Variants in ADGRL3 observed in about 807,000 individuals in gnomAD.
The protein encoded by ADGRL3 is calcium-independent alpha-latrotoxin receptor 3.
Under a neutral mutation model 153.5 loss-of-function variants are expected in ADGRL3, and 62 were observed. The ratio of observed to expected loss-of-function variants is 0.40; its 90% CI spans 0.33 to 0.50. The LOEUF (loss-of-function observed/expected upper bound fraction) is 0.50. ADGRL3 is among the 20% of genes least tolerant of loss of function. The pLI, the probability that ADGRL3 is intolerant of heterozygous loss-of-function variation, is 0.47. For synonymous variants in ADGRL3, 710 were observed against 672.5 expected (o/e 1.06, Z -0.86); for missense variants, 1,641 against 1,859.4 (o/e 0.88, Z 2.16).
chr4:61,767,629 G>A (rs1258111950), intron 8 of ADGRL3, among the ~76,000 whole-genome samples: 2 of 152,124 alleles, frequency 1.3e-5, no homozygotes, highest in Non-Finnish European at 2.9e-5. Context: ...CTCTGGGAGT[G>A]GCTGCCAGGT....
At chr4:61,663,035 A>G (rs1450166944) in intron 5 of ADGRL3, among the ~76,000 whole-genome samples, 5 of 152,176 alleles carry the variant, frequency 3.3e-5, no homozygotes, top group Non-Finnish European at 5.9e-5. Flanking sequence ...CTGTCACTCA[A>G]TAAAGCATCT....
intron 8 of ADGRL3, among the ~76,000 whole-genome samples, chr4:61,798,732 C>T (rs568175467): frequency 6.6e-6 from 1 of 151,494 alleles, no homozygotes; most frequent in African/African-American, 2.4e-5. Context: ...ATTCTCCTGC[C>T]TTAGCCTCCC....
Position 61,946,953 on chromosome 4 carries a change from G to C in ADGRL3, c.2459G>C (p.Gly820Ala), listed in dbSNP as rs2098927649. Residue 820 changes from glycine to alanine, a missense_variant, in exon 16 of 27, where the codon GGT (glycine) becomes GCT (alanine). Physicochemically the swap from Gly to Ala is moderately conservative, Grantham distance 60. Transcript: ENST00000683033. Reference protein sequence around the residue: ...RVAFVLYNNLGPYLSTENASM... With the variant: ...RVAFVLYNNLAPYLSTENASM... ...GCCTTTGTCCTGTATAACAACTTGG[G>C]TCCTTATTTATCCACGGAGAATGCC... is the stretch of plus-strand genomic sequence containing the variant. The C allele has an allele frequency of 6.2e-7, 1 of 1,613,644 alleles. No individual in the cohort carries two copies. The highest frequency in any genetic ancestry group is 8.5e-7 in the Non-Finnish European group (1 of 1,179,808).
At chr4:61,960,295 G>C (rs1301625489) in intron 17 of ADGRL3, among the ~76,000 whole-genome samples, 1 of 152,180 alleles carries the variant, frequency 6.6e-6, no homozygotes, top group Non-Finnish European at 1.5e-5. Context: ...GGAAGTGAGA[G>C]AGTAGGCCTT....
intron 5 of ADGRL3, among the ~76,000 whole-genome samples, chr4:61,667,537 T>C (rs1044220204): frequency 1.3e-5 from 2 of 152,196 alleles, no homozygotes; most frequent in African/African-American, 4.8e-5. Flanking sequence ...AACATTAATT[T>C]AATATAAATC....
chr4:61,422,836 G>T (rs1165519653), intron 2 of ADGRL3, among the ~76,000 whole-genome samples: 2 of 151,526 alleles, frequency 1.3e-5, no homozygotes, highest in Non-Finnish European at 2.9e-5. Context: ...TATATTCTTA[G>T]AAATATGTAT....
intron 5 of ADGRL3, among the ~76,000 whole-genome samples, chr4:61,603,673 C>G (rs1194425996): frequency 2.0e-5 from 3 of 152,134 alleles, no homozygotes; most frequent in Non-Finnish European, 4.4e-5. Flanking sequence ...GAACAAGGAA[C>G]AGATGCTTTT....
intron 2 of ADGRL3, among the ~76,000 whole-genome samples, chr4:61,450,578 A>T (rs2097661593): frequency 6.6e-6 from 1 of 152,150 alleles, no homozygotes; most frequent in African/African-American, 2.4e-5. Flanking sequence ...TTAGTAATTC[A>T]TTTTTATTTG....
At chr4:61,536,578 T>C (rs1271951845) in intron 4 of ADGRL3, among the ~76,000 whole-genome samples, 1 of 152,092 alleles carries the variant, frequency 6.6e-6, no homozygotes, top group Non-Finnish European at 1.5e-5. Context: ...GGTGCATATA[T>C]ATTAATATTT....
intron 2 of ADGRL3, among the ~76,000 whole-genome samples, chr4:61,410,605 G>A (rs890658516): frequency 1.3e-5 from 2 of 152,300 alleles, no homozygotes; most frequent in South Asian, 2.1e-4. Flanking sequence ...GGGGAAATCA[G>A]TTTCCTCTCC....
chr4:61,438,442 A>T (rs189000276), intron 2 of ADGRL3, among the ~76,000 whole-genome samples: 10 of 151,546 alleles, frequency 6.6e-5, no homozygotes, highest in African/African-American at 2.2e-4. Context: ...TACATGTGCC[A>T]GGCTGTGATG....
intron 6 of ADGRL3, among the ~76,000 whole-genome samples, chr4:61,712,706 C>T (rs1345986089): frequency 1.3e-5 from 2 of 152,188 alleles, no homozygotes; most frequent in African/African-American, 2.4e-5. Context: ...CATGCAGTTA[C>T]ATCACTGATA....
intron 9 of ADGRL3, among the ~76,000 whole-genome samples, chr4:61,883,261 C>G (rs545397439): frequency 1.3e-5 from 2 of 152,136 alleles, no homozygotes; most frequent in Admixed American, 6.5e-5. Flanking sequence ...TATTTATCGT[C>G]TGTCTCTCCT....
intron 2 of ADGRL3, among the ~76,000 whole-genome samples, chr4:61,444,300 A>T (rs893678883): frequency 5.9e-5 from 9 of 152,092 alleles, no homozygotes; most frequent in Admixed American, 2.0e-4. Context: ...CAATTCTTGA[A>T]TCCCAAGCCT....
chr4:61,786,275 CA>C (rs2097274678), intron 8 of ADGRL3, among the ~76,000 whole-genome samples: 1 of 152,134 alleles, frequency 6.6e-6, no homozygotes, highest in Non-Finnish European at 1.5e-5. Flanking sequence ...CAGTTTGTAG[CA>C]TTTAGTCAAT....
chr4:61,610,835 G>A (rs555795791), intron 5 of ADGRL3, among the ~76,000 whole-genome samples: 7 of 151,740 alleles, frequency 4.6e-5, no homozygotes, highest in African/African-American at 1.7e-4. Flanking sequence ...TTTTATAGAG[G>A]TCAAAAAATA....
intron 21 of ADGRL3, among the ~76,000 whole-genome samples, chr4:62,022,242 C>A (rs2099241466): frequency 6.6e-6 from 1 of 152,154 alleles, no homozygotes; most frequent in African/African-American, 2.4e-5. Flanking sequence ...TAATCCAGTG[C>A]AAGGCCCTAA....
At chr4:61,434,536 C>G (rs1179460365) in intron 2 of ADGRL3, among the ~76,000 whole-genome samples, 1 of 151,992 alleles carries the variant, frequency 6.6e-6, no homozygotes, top group Non-Finnish European at 1.5e-5. Context: ...CCTTTTCTTT[C>G]TGTAGTCAGA....
At chr4:61,259,993 G>C (rs1283299012) in intron 1 of ADGRL3, among the ~76,000 whole-genome samples, 1 of 152,130 alleles carries the variant, frequency 6.6e-6, no homozygotes, top group African/African-American at 2.4e-5. Flanking sequence ...ACATTAAAAT[G>C]GTTCTTGCAA....
Sources: allele counts gnomAD v4.1 joint callset (sites outside exome capture counted in the v4.1 genomes callset), GRCh38; gene constraint gnomAD v4.1.1; transcripts MANE v1.5; gene names NCBI Gene and HGNC (gene_info 2026-07-23, HGNC 2026-07-21).